The following COL23A1 variants were observed in gnomAD, a reference collection of about 807,000 sequenced individuals.
COL23A1 encodes collagen alpha-1(XXIII) chain.
A neutral mutation model predicts 99.3 loss-of-function variants in COL23A1; 97 were observed. The observed-to-expected ratio is 0.98, with a 90% CI of 0.83 to 1.16. The LOEUF (loss-of-function observed/expected upper bound fraction) is 1.16. Among genes scored for constraint, COL23A1 ranks in the 50% most tolerant of loss-of-function variants. The probability of loss-of-function intolerance (pLI) is 0.00; values close to 1 mark genes in which losing one functional copy is unlikely to be tolerated. For synonymous variants in COL23A1, 320 were observed against 308.2 expected (o/e 1.04, Z -0.40); for missense variants, 762 against 757.4 (o/e 1.01, Z -0.07).
At chr5:178,376,777 A>G (rs1763092696) in intron 2 of COL23A1, among the ~76,000 whole-genome samples, 1 of 152,228 alleles carries the variant, frequency 6.6e-6, no homozygotes, top group South Asian at 2.1e-4. Flanking sequence ...CTGCAAGGCG[A>G]AAGTCATGCC....
intron 18 of COL23A1, among the ~76,000 whole-genome samples, chr5:178,249,706 A>T (rs1764911078): frequency 9.4e-6 from 1 of 106,114 alleles, no homozygotes; most frequent in African/African-American, 3.2e-5. Context: ...ACACACACAC[A>T]CACACACACA....
intron 2 of COL23A1, among the ~76,000 whole-genome samples, chr5:178,440,808 G>GGC (rs1271991990): frequency 6.6e-6 from 1 of 151,826 alleles, no homozygotes; most frequent in African/African-American, 2.4e-5. Flanking sequence ...GTAGAGATGG[G>GGC]GCTTCATGAT....
At chr5:178,440,719 G>A (rs1207526953) in intron 2 of COL23A1, among the ~76,000 whole-genome samples, 1 of 151,018 alleles carries the variant, frequency 6.6e-6, no homozygotes, top group African/African-American at 2.4e-5. Flanking sequence ...AGGTTCAAGC[G>A]ATTCTCTTGC....
chr5:178,306,746 G>A lies in COL23A1; in HGVS notation c.406+129C>T. On this transcript the variant is annotated intron_variant, in intron 3 of 28. Transcript: ENST00000390654. This position sits in a 1 kb window ranked among gnomAD's most constrained non-coding sequence, Gnocchi z 4.1. ...AAACGGCAGCTGGACTTGGAAGGGG[G>A]AGGAGCACCTGCCCAGGACCAAGGC... The A allele has an allele frequency of 3.5e-6, 2 of 578,266 alleles. No individual in the cohort carries two copies. The highest frequency in any genetic ancestry group is 5.7e-6 in the Non-Finnish European group (2 of 353,794). The allele number at this position is 578,266 out of a possible 1,614,324, so 35.8% of individuals were successfully genotyped here.
At chr5:178,327,592 C>A (rs930896564) in intron 2 of COL23A1, among the ~76,000 whole-genome samples, 1 of 152,144 alleles carries the variant, frequency 6.6e-6, no homozygotes, top group African/African-American at 2.4e-5. Flanking sequence ...GTTGCCAGGT[C>A]CACTCTGCGG....
intron 2 of COL23A1, among the ~76,000 whole-genome samples, chr5:178,464,244 C>T (rs879397179): frequency 8.5e-5 from 13 of 152,186 alleles, no homozygotes; most frequent in Admixed American, 2.0e-4. Flanking sequence ...CCCACACCCA[C>T]CACTCTACTT....
At chr5:178,546,737 A>G (rs1009977887) in intron 2 of COL23A1, among the ~76,000 whole-genome samples, 3 of 152,226 alleles carry the variant, frequency 2.0e-5, no homozygotes, top group Non-Finnish European at 4.4e-5. Flanking sequence ...CCATGTAGCA[A>G]GGGCAGCTAT....
intron 2 of COL23A1, among the ~76,000 whole-genome samples, chr5:178,502,428 G>A (rs1486324587): frequency 1.3e-5 from 2 of 152,250 alleles, no homozygotes; most frequent in Non-Finnish European, 2.9e-5. Flanking sequence ...ACTGCGCCCA[G>A]CCAACAAGAG....
chr5:178,373,184 C>A (rs2127724838), intron 2 of COL23A1, among the ~76,000 whole-genome samples: 1 of 152,330 alleles, frequency 6.6e-6, no homozygotes, highest in Middle Eastern at 3.4e-3. Context: ...CTGCCACTCA[C>A]CAGCTGGCCT....
intron 2 of COL23A1, chr5:178,345,063 T>C (rs988737185): frequency 1.7e-6 from 1 of 585,482 alleles, no homozygotes; most frequent in South Asian, 1.5e-5. Flanking sequence ...GAATCTTATG[T>C]TAAAGAAGCT....
chr5:178,246,191 G>T, intron 24 of COL23A1, 63 bp downstream of exon 24: 1 of 1,528,228 alleles, frequency 6.5e-7, no homozygotes, highest in South Asian at 1.2e-5. Flanking sequence ...GGGGTCCCCG[G>T]GCTGAGCGCC....
chr5:178,260,204 G>T (rs944014144), intron 11 of COL23A1, among the ~76,000 whole-genome samples: 4 of 152,248 alleles, frequency 2.6e-5, no homozygotes, highest in Non-Finnish European at 1.5e-5. Context: ...GTGAAAACCT[G>T]CACATGGACG....
intron 2 of COL23A1, among the ~76,000 whole-genome samples, chr5:178,559,819 C>G (rs965653651): frequency 2.2e-5 from 3 of 135,994 alleles, no homozygotes; most frequent in Admixed American, 7.2e-5. Flanking sequence ...ACCCAAAAGT[C>G]ACCTTTCCCT....
intron 2 of COL23A1, among the ~76,000 whole-genome samples, chr5:178,483,858 T>G (rs769395202): frequency 3.9e-5 from 6 of 152,194 alleles, no homozygotes; most frequent in East Asian, 3.9e-4. Flanking sequence ...AGAAAAGGGA[T>G]GTACACACTC....
intron 2 of COL23A1, among the ~76,000 whole-genome samples, chr5:178,548,037 A>C (rs1396548645): frequency 7.8e-4 from 4 of 5,160 alleles, no homozygotes; most frequent in African/African-American, 1.8e-3. Flanking sequence ...AAACACACCC[A>C]CCCCCACACC....
In COL23A1 at chr5:178,255,349, A is replaced by G. The variant is rs942552002; in HGVS notation, c.883-323T>C. Among the ~76,000 whole-genome samples the G allele has an allele frequency of 6.6e-6, 1 of 152,236 alleles. No individual in the cohort carries two copies. The highest frequency in any genetic ancestry group is 2.4e-5 in the African/African-American group (1 of 41,460). ...CTTCAGATTTTTCAATGTTGGCAAC[A>G]AACAGAAAAGCCCCAAACCCTCCAA... On this transcript the variant is annotated intron_variant, in intron 15 of 28. Transcript: ENST00000390654. The surrounding 1 kb of genome is among the most constrained non-coding windows in gnomAD (Gnocchi z 4.2).
In COL23A1 at chr5:178,468,187, ACACCCACC is replaced by A. The variant is rs1756527339; in HGVS notation, c.361+92487_361+92494del. ...GCTTGTGTGTTCACGGAGGATGAAC[ACACCCACC>A]CAGACCCCACCCAGACCCCACCCAG... On this transcript the variant is annotated intron_variant, in intron 2 of 28. Transcript: ENST00000390654. The surrounding 1 kb of genome is among the most constrained non-coding windows in gnomAD (Gnocchi z 4.2). Among the ~76,000 whole-genome samples, 1 of 151,014 alleles carries A rather than the reference ACACCCACC, an allele frequency of 6.6e-6. No individual in the cohort carries two copies. The highest frequency in any genetic ancestry group is 1.5e-5 in the Non-Finnish European group (1 of 67,740).
intron 2 of COL23A1, among the ~76,000 whole-genome samples, chr5:178,404,556 T>C (rs1018571238): frequency 5.0e-5 from 3 of 59,534 alleles, no homozygotes; most frequent in Admixed American, 4.7e-4. Context: ...TACAGCTGAT[T>C]CCTTATGGTG....
intron 27 of COL23A1, among the ~76,000 whole-genome samples, chr5:178,240,466 G>T (rs1764333668): frequency 6.6e-6 from 1 of 152,208 alleles, no homozygotes; most frequent in Non-Finnish European, 1.5e-5. Flanking sequence ...CCTACCGCAG[G>T]GCATGGCCCA....
Sources: gnomAD v4.1 joint callset for allele counts (sites outside exome capture counted in the v4.1 genomes callset) on GRCh38, gnomAD v4.1.1 for gene constraint, Gnocchi (gnomAD v3.1) non-coding constraint, MANE v1.5 for transcripts, NCBI Gene and HGNC (gene_info 2026-07-23, HGNC 2026-07-21) for gene names.